MAP3K4: variants seen among roughly 807,000 people sequenced by gnomAD.
MAP3K4 encodes mitogen-activated protein kinase kinase kinase 4, also known as MAP three kinase 1.
MAP3K4 carries 67 observed loss-of-function variants against 185.6 expected under a neutral mutation model. That is an observed-to-expected ratio of 0.36 (90% CI 0.30 to 0.44). MAP3K4 has a LOEUF of 0.44. Ranked by LOEUF, MAP3K4 falls within the 20% of genes least tolerant of loss-of-function variation. MAP3K4 has a pLI of 1.00. For missense variants in MAP3K4, 1,551 were observed against 1,995.1 expected (o/e 0.78, Z 4.24); for synonymous variants, 702 against 710.4 (o/e 0.99, Z 0.19).
At position 161,071,283 on chromosome 6, in the gene MAP3K4, T is replaced by C. The variant is rs1784929855; in HGVS notation, c.1950+433T>C. ...TGGTTTAAACAGTAGTGACAGCTTA[T>C]GATTTCTTCGTTGTTGTTCATTCTG... On this transcript the variant is annotated intron_variant, in intron 4 of 26. Coordinates refer to ENST00000392142, the MANE Select transcript of MAP3K4 (RefSeq NM_005922.4). The surrounding 1 kb of genome is among the most constrained non-coding windows in gnomAD (Gnocchi z 4.6). Among the ~76,000 whole-genome samples the C allele has an allele frequency of 6.6e-6, 1 of 152,228 alleles. No individual in the cohort carries two copies. The highest frequency in any genetic ancestry group is 2.1e-4 in the South Asian group (1 of 4,834).
chr6:160,994,212 T>C (rs1341794465), intron 1 of MAP3K4, among the ~76,000 whole-genome samples: 2 of 152,044 alleles, frequency 1.3e-5, no homozygotes, highest in African/African-American at 4.8e-5. Context: ...AGTTCTGTAG[T>C]GGTGATTTCT....
Position 161,022,931 on chromosome 6 carries a change from A to T in MAP3K4, c.153-11328A>T, listed in dbSNP as rs1782471137. On this transcript the variant is annotated intron_variant, in intron 1 of 26. Coordinates refer to ENST00000392142, the MANE Select transcript of MAP3K4 (RefSeq NM_005922.4). This position sits in a 1 kb window ranked among gnomAD's most constrained non-coding sequence, Gnocchi z 4.2. ...CGGTAGCAATTATACTGTTACAGTGAAAATTCTTCATAACTTAATGGGTAA... is the reference window on the plus strand; with the variant it reads ...CGGTAGCAATTATACTGTTACAGTGTAAATTCTTCATAACTTAATGGGTAA... Among the ~76,000 whole-genome samples, 1 of 152,212 alleles carries T rather than the reference A, an allele frequency of 6.6e-6. No homozygotes were observed. Among genetic ancestry groups the T allele is most frequent in the Non-Finnish European group, 1.5e-5 (1 of 68,034 alleles).
rs1713897616 is a variant in MAP3K4 at position 161,071,726 on chromosome 6, G to A, written c.1950+876G>A. Among the ~76,000 whole-genome samples, 1 of 152,180 alleles carries A rather than the reference G, an allele frequency of 6.6e-6. No homozygotes were observed. The highest frequency in any genetic ancestry group is 2.1e-4 in the South Asian group (1 of 4,830). On this transcript the variant is annotated intron_variant, in intron 4 of 26. Coordinates refer to ENST00000392142, the MANE Select transcript of MAP3K4 (RefSeq NM_005922.4). The surrounding 1 kb of genome is among the most constrained non-coding windows in gnomAD (Gnocchi z 4.6). Reference sequence around the variant, plus strand: ...CCTGCATCTCATTTCCATCCCTTTGGTTCATACCCAGCACCGCCAGAGCTC... The same window carrying A: ...CCTGCATCTCATTTCCATCCCTTTGATTCATACCCAGCACCGCCAGAGCTC...
chr6:161,086,250 A>C lies in MAP3K4; in HGVS notation c.2373-129A>C. On this transcript the variant is annotated intron_variant, in intron 7 of 26. Transcript: ENST00000392142. The surrounding 1 kb of genome is among the most constrained non-coding windows in gnomAD (Gnocchi z 4.8). ...ACATCTTCAATAATAGTTTGTTCCCATTTAAAAAATCCTCAGTCTTTATTT... is the reference window on the plus strand; with the variant it reads ...ACATCTTCAATAATAGTTTGTTCCCCTTTAAAAAATCCTCAGTCTTTATTT... The C allele has an allele frequency of 1.8e-6, 1 of 544,694 alleles. No homozygotes were observed. Among genetic ancestry groups the C allele is most frequent in the Non-Finnish European group, 3.2e-6 (1 of 309,080 alleles). 33.7% of individuals were successfully genotyped at this position (544,694 alleles called of 1,614,324 possible). A position where few individuals can be genotyped will look rare whatever the true frequency, so the allele number is the denominator to read the frequency against.
chr6:161,018,810 C>A (rs1413797647), intron 1 of MAP3K4, among the ~76,000 whole-genome samples: 1 of 151,784 alleles, frequency 6.6e-6, no homozygotes, highest in Non-Finnish European at 1.5e-5. Flanking sequence ...TAATTAGGCT[C>A]AAGTATTTAA....
chr6:161,091,620 AG>A lies in MAP3K4; in HGVS notation c.3135+81del. On this transcript the variant is annotated intron_variant, in intron 12 of 26. Transcript: ENST00000392142. This position sits in a 1 kb window ranked among gnomAD's most constrained non-coding sequence, Gnocchi z 5.5. ...ACAGAAAGTTTTTGGAACCTTTTAC[AG>A]TAAATCTGATATTGTAATCATAGCT... 8.3e-7 allele frequency: 1 copy of A among 1,208,104 alleles called. No homozygotes were observed. Among genetic ancestry groups the A allele is most frequent in the East Asian group, 2.4e-5 (1 of 42,468 alleles). 74.8% of individuals were successfully genotyped at this position (1,208,104 alleles called of 1,614,324 possible). A position where few individuals can be genotyped will look rare whatever the true frequency, so the allele number is the denominator to read the frequency against.
intron 2 of MAP3K4, among the ~76,000 whole-genome samples, chr6:161,046,274 G>T (rs969672351): frequency 2.6e-5 from 4 of 152,048 alleles, no homozygotes; most frequent in Non-Finnish European, 4.4e-5. Context: ...AATACCATGG[G>T]TTAACCAAAT....
chr6:161,069,644 C>T (rs533158909), intron 3 of MAP3K4, among the ~76,000 whole-genome samples: 1 of 152,166 alleles, frequency 6.6e-6, no homozygotes, highest in Non-Finnish European at 1.5e-5. Flanking sequence ...CAATTACTGT[C>T]TGCTGTAATC....
At position 161,067,552 on chromosome 6, in the gene MAP3K4, T is replaced by C. The variant is rs1386326690; in HGVS notation, c.1708-3056T>C. Among the ~76,000 whole-genome samples the C allele has an allele frequency of 1.3e-5, 2 of 152,210 alleles. No individual in the cohort carries two copies. The highest frequency in any genetic ancestry group is 4.8e-5 in the African/African-American group (2 of 41,450). The stretch of plus-strand genomic sequence containing the variant: ...TGCCTGTTAGGGAAACCCAGGTGTG[T>C]ACTAATTTAAGTGCAAAAGTATGTA... On this transcript the variant is annotated intron_variant, in intron 3 of 26. Coordinates refer to ENST00000392142, the MANE Select transcript of MAP3K4 (RefSeq NM_005922.4). The surrounding 1 kb of genome is among the most constrained non-coding windows in gnomAD (Gnocchi z 6.3).
In MAP3K4 at chr6:161,106,018, G is replaced by T. The variant is rs1193489447; in HGVS notation, c.3857-496G>T. 4.0e-5 allele frequency among the ~76,000 whole-genome samples: 6 copies of T among 151,740 alleles called. No individual in the cohort carries two copies. The highest frequency in any genetic ancestry group is 1.5e-4 in the African/African-American group (6 of 41,292). ...ACCTGGCTAACTTTTGTATTTTTTTGTAGAGATGGGGTTTTGCCATTTTGC... is the reference window on the plus strand; with the variant it reads ...ACCTGGCTAACTTTTGTATTTTTTTTTAGAGATGGGGTTTTGCCATTTTGC... On this transcript the variant is annotated intron_variant, in intron 19 of 26. Transcript: ENST00000392142. The surrounding 1 kb of genome is among the most constrained non-coding windows in gnomAD (Gnocchi z 4.9).
At chr6:161,081,656 C>T (rs937205912) in intron 6 of MAP3K4, among the ~76,000 whole-genome samples, 1 of 152,092 alleles carries the variant, frequency 6.6e-6, no homozygotes, top group African/African-American at 2.4e-5. Context: ...GCTGGTCTGT[C>T]AGTTCTAGGA....
At position 161,037,116 on chromosome 6, in the gene MAP3K4, C is replaced by T. The variant is rs942507440; in HGVS notation, c.343+2667C>T. The stretch of plus-strand genomic sequence containing the variant: ...TGCGGACATTCTTGTTTATGAATAC[C>T]AAGACAAGGTGGAAATGGGACGCCA... On this transcript the variant is annotated intron_variant, in intron 2 of 26. Transcript: ENST00000392142. This position sits in a 1 kb window ranked among gnomAD's most constrained non-coding sequence, Gnocchi z 4.2. 6.6e-6 allele frequency among the ~76,000 whole-genome samples: 1 copy of T among 152,128 alleles called. No individual in the cohort carries two copies. The highest frequency in any genetic ancestry group is 2.4e-5 in the African/African-American group (1 of 41,426).
At position 161,064,696 on chromosome 6, in the gene MAP3K4, A is replaced by C. The variant is rs1784625012; in HGVS notation, c.1708-5912A>C. Among the ~76,000 whole-genome samples, 2 of 152,250 alleles carry C rather than the reference A, an allele frequency of 1.3e-5. No homozygotes were observed. Among genetic ancestry groups the C allele is most frequent in the Admixed American group, 6.5e-5 (1 of 15,282 alleles). The stretch of plus-strand genomic sequence containing the variant: ...TGTCAAATCCACACAACATGACATC[A>C]GAATTATTATTGTAATTACATTGCA... On this transcript the variant is annotated intron_variant, in intron 3 of 26. Coordinates refer to ENST00000392142, the MANE Select transcript of MAP3K4 (RefSeq NM_005922.4). This position sits in a 1 kb window ranked among gnomAD's most constrained non-coding sequence, Gnocchi z 4.3.
rs5881391 is a variant in MAP3K4, at chr6:161,098,318, C to CCTG, written c.3596_3598dup (p.Ala1199dup). ...TTCCGACGCGCGGAGCCATGGCAGC[C>CCTG]CTGCTGCTGCTGCTGCTGCTGCTGC... On this transcript the variant is annotated inframe_insertion, in exon 17 of 27. Transcript: ENST00000392142. This position sits in a 1 kb window ranked among gnomAD's most constrained non-coding sequence, Gnocchi z 4.4. 2.8e-4 allele frequency: 423 copies of CCTG among 1,516,862 alleles called. No individual in the cohort carries two copies. The highest frequency in any genetic ancestry group is 1.5e-3 in the East Asian group (62 of 42,192). The allele number at this position is 1,516,862 out of a possible 1,614,324, so 94.0% of individuals were successfully genotyped here.
chr6:161,049,105 A>T lies in MAP3K4; in HGVS notation c.833A>T (p.Asn278Ile). Residue 278 changes from asparagine to isoleucine, a missense_variant, in exon 3 of 27, where the codon AAC becomes ATC. Asn to Ile is a moderately radical substitution (Grantham distance 149). This residue lies in a region of MAP3K4 where 69 missense variants were observed against 124.8 expected (regional missense o/e 0.55). Transcript: ENST00000392142. The surrounding 1 kb of genome is among the most constrained non-coding windows in gnomAD (Gnocchi z 8.4). ...GCCTGGCATGCAGGACGGACAATTA[A>T]CGACCAGGACTTCTTTTTATATACA... ...LQAWHAGRTI[N>I]DQDFFLYTAR... is the part of the protein sequence containing the mutation. 1 of 1,614,176 alleles carries T rather than the reference A, an allele frequency of 6.2e-7. No individual in the cohort carries two copies. The highest frequency in any genetic ancestry group is 1.3e-5 in the African/African-American group (1 of 75,046).
At chr6:161,001,977 A>G (rs780098104) in intron 1 of MAP3K4, among the ~76,000 whole-genome samples, 7 of 152,034 alleles carry the variant, frequency 4.6e-5, no homozygotes, top group Non-Finnish European at 8.8e-5. Flanking sequence ...ACTTTTAAAA[A>G]TAGCTGCAAT....
rs556626592 is a variant in MAP3K4 at position 161,084,010 on chromosome 6, A to G, written c.2256-491A>G. The stretch of plus-strand genomic sequence containing the variant: ...CTTCACTCATTTAGATTCATTTTAT[A>G]TACTGGGGTGTACATTTTAACACTA... On this transcript the variant is annotated intron_variant, in intron 6 of 26. Coordinates refer to ENST00000392142, the MANE Select transcript of MAP3K4 (RefSeq NM_005922.4). This position sits in a 1 kb window ranked among gnomAD's most constrained non-coding sequence, Gnocchi z 4.6. 3.3e-5 allele frequency among the ~76,000 whole-genome samples: 5 copies of G among 152,380 alleles called. No homozygotes were observed. The highest frequency in any genetic ancestry group is 1.2e-4 in the African/African-American group (5 of 41,590).
chr6:161,087,847 C>T lies in MAP3K4; in HGVS notation c.2716C>T (p.His906Tyr), dbSNP rs1785814558. 6.2e-7 allele frequency: 1 copy of T among 1,614,004 alleles called. No homozygotes were observed. Among genetic ancestry groups the T allele is most frequent in the South Asian group, 1.1e-5 (1 of 91,068 alleles). The change falls in exon 10 of 27, where the codon CAC (histidine) becomes TAC (tyrosine). Residue 906 changes from histidine (H) to tyrosine (Y), a missense_variant. Coordinates refer to ENST00000392142, the MANE Select transcript of MAP3K4 (RefSeq NM_005922.4). The surrounding 1 kb of genome is among the most constrained non-coding windows in gnomAD (Gnocchi z 4.9). ...CGATGCCTATCTGCTTCTGACCAAG[C>T]ACGGTGATCGAGCCCGTGATTCAGA... ...LIDAYLLLTK[H>Y]GDRARDSEDS...
At chr6:161,016,170 A>G (rs1306676754) in intron 1 of MAP3K4, among the ~76,000 whole-genome samples, 3 of 152,116 alleles carry the variant, frequency 2.0e-5, no homozygotes, top group Non-Finnish European at 4.4e-5. Flanking sequence ...CCATTTGTAT[A>G]TCTTTTTTGG....
Sources: gnomAD v4.1 joint callset for allele counts (sites outside exome capture counted in the v4.1 genomes callset) on GRCh38, gnomAD v4.1.1 for gene constraint, gnomAD v4.1.1 regional missense constraint, Gnocchi (gnomAD v3.1) non-coding constraint, MANE v1.5 for transcripts, NCBI Gene and HGNC (gene_info 2026-07-23, HGNC 2026-07-21) for gene names.